MGMT: variants seen among roughly 807,000 people sequenced by gnomAD.
MGMT encodes the protein methylated-DNA--protein-cysteine methyltransferase.
Under a neutral mutation model 15.9 loss-of-function variants are expected in MGMT, and 14 were observed. The observed-to-expected ratio is 0.88, with a 90% CI of 0.58 to 1.37. The LOEUF (loss-of-function observed/expected upper bound fraction) is 1.37. Ranked by LOEUF, MGMT falls within the 40% of genes most tolerant of loss-of-function variation. The probability of loss-of-function intolerance (pLI) is 0.00; values close to 1 mark genes in which losing one functional copy is unlikely to be tolerated. For missense variants in MGMT, 282 were observed against 268.1 expected (o/e 1.05, Z -0.36); for synonymous variants, 130 against 118.2 (o/e 1.10, Z -0.65).
chr10:129,662,967 G>A (rs1395898402), intron 2 of MGMT, among the ~76,000 whole-genome samples: 1 of 152,182 alleles, frequency 6.6e-6, no homozygotes, highest in African/African-American at 2.4e-5. Context: ...TGTCAGAGAT[G>A]TTAACACACT....
At chr10:129,707,760 C>A in intron 2 of MGMT, 135 bp from the exon 3 acceptor site, 1 of 1,208,806 alleles carries the variant, frequency 8.3e-7, no homozygotes, top group South Asian at 1.3e-5. Flanking sequence ...CTTTCTGCTG[C>A]ACAGCTAGTT....
intron 1 of MGMT, among the ~76,000 whole-genome samples, chr10:129,492,986 T>G (rs1199084790): frequency 6.6e-6 from 1 of 152,240 alleles, no homozygotes; most frequent in Non-Finnish European, 1.5e-5. Context: ...TATTTCGTAT[T>G]CTACACAGGT....
intron 2 of MGMT, among the ~76,000 whole-genome samples, chr10:129,703,595 C>T (rs781394128): frequency 1.6e-4 from 25 of 152,208 alleles, no homozygotes; most frequent in Non-Finnish European, 3.5e-4. Context: ...CAACCAATCC[C>T]ACATCCCAGT....
chr10:129,490,335 G>A (rs1845456823), intron 1 of MGMT, among the ~76,000 whole-genome samples: 1 of 151,974 alleles, frequency 6.6e-6, no homozygotes, highest in African/African-American at 2.4e-5. Flanking sequence ...TGACTTCTAG[G>A]GAATTATTAA....
chr10:129,766,680 C>A, intron 4 of MGMT, 108 bp from the exon 5 acceptor site: 1 of 1,005,172 alleles, frequency 9.9e-7, no homozygotes, highest in Middle Eastern at 3.2e-4. Context: ...TGGCACAGGC[C>A]CCTGCTTGGT....
At chr10:129,744,746 C>T (rs994264149) in intron 3 of MGMT, among the ~76,000 whole-genome samples, 9 of 152,210 alleles carry the variant, frequency 5.9e-5, no homozygotes, top group Non-Finnish European at 8.8e-5. Flanking sequence ...GCTCCTGGCC[C>T]GCCACATCGC....
chr10:129,707,865 T>C (rs773864538), intron 2 of MGMT, 30 bp from the exon 3 acceptor site: 1 of 1,608,358 alleles, frequency 6.2e-7, no homozygotes, highest in Non-Finnish European at 8.5e-7. Flanking sequence ...GGCCCAGAGG[T>C]TTACTAAGCC....
At chr10:129,579,498 C>T (rs1197059096) in intron 2 of MGMT, among the ~76,000 whole-genome samples, 2 of 152,230 alleles carry the variant, frequency 1.3e-5, no homozygotes, top group East Asian at 1.9e-4. Flanking sequence ...TCCCATGCTC[C>T]GTGCCTCCAT....
chr10:129,469,749 C>T (rs1301904433), intron 1 of MGMT, among the ~76,000 whole-genome samples: 1 of 152,168 alleles, frequency 6.6e-6, no homozygotes, highest in African/African-American at 2.4e-5. Flanking sequence ...GTCTTTCGCC[C>T]AGGCTGGAGT....
intron 2 of MGMT, among the ~76,000 whole-genome samples, chr10:129,706,477 G>A (rs1415449046): frequency 9.2e-5 from 14 of 152,060 alleles, no homozygotes; most frequent in Admixed American, 1.3e-4. Context: ...GGAGCTGTGC[G>A]TCCACAGCAT....
chr10:129,702,027 A>G (rs968300328), intron 2 of MGMT: 1 of 152,256 alleles, frequency 6.6e-6, no homozygotes, highest in Non-Finnish European at 1.5e-5. Context: ...GATTTAAATC[A>G]AAATAAATCT....
At chr10:129,529,511 C>G (rs548554089) in intron 1 of MGMT, among the ~76,000 whole-genome samples, 5 of 152,284 alleles carry the variant, frequency 3.3e-5, no homozygotes, top group African/African-American at 1.2e-4. Flanking sequence ...CGCTGCTTAC[C>G]TCCTCCTCTG....
At chr10:129,530,726 C>T (rs4751097) in intron 1 of MGMT, among the ~76,000 whole-genome samples, 22,688 of 152,244 alleles carry the variant, frequency 0.15, 2,651 homozygotes, top group African/African-American at 0.32. Context: ...CCAGCAGGAC[C>T]GGCCTGGCCA....
intron 3 of MGMT, among the ~76,000 whole-genome samples, chr10:129,738,128 C>A (rs574168464): frequency 6.6e-6 from 1 of 152,382 alleles, no homozygotes; most frequent in East Asian, 1.9e-4. Context: ...CAAGCCTGGG[C>A]AATGGCGGGT....
intron 2 of MGMT, among the ~76,000 whole-genome samples, chr10:129,676,535 C>T (rs1383549513): frequency 2.0e-5 from 3 of 152,140 alleles, no homozygotes; most frequent in African/African-American, 4.8e-5. Context: ...AGCAAGACGA[C>T]GTGTTTGCAG....
intron 4 of MGMT, among the ~76,000 whole-genome samples, chr10:129,766,103 G>C (rs2133190550): frequency 6.6e-6 from 1 of 152,290 alleles, no homozygotes; most frequent in Middle Eastern, 3.4e-3. Context: ...CCTGTGTATG[G>C]CTGCGTGGTT....
intron 2 of MGMT, among the ~76,000 whole-genome samples, chr10:129,603,819 C>G (rs909009493): frequency 2.0e-5 from 3 of 152,162 alleles, no homozygotes; most frequent in East Asian, 1.9e-4. Flanking sequence ...TGAAAATAAT[C>G]AGTTATTTTT....
intron 2 of MGMT, among the ~76,000 whole-genome samples, chr10:129,698,140 T>TTGAGGGCATC (rs1425298933): frequency 6.6e-6 from 1 of 152,116 alleles, no homozygotes; most frequent in Admixed American, 6.5e-5. Context: ...GACAGAGGCT[T>TTGAGGGCATC]TGAGGGCATC....
intron 3 of MGMT, among the ~76,000 whole-genome samples, chr10:129,754,159 C>T (rs1344161735): frequency 2.0e-5 from 3 of 152,152 alleles, no homozygotes; most frequent in East Asian, 1.9e-4. Flanking sequence ...ACAGCTCACC[C>T]GAACAGGTGA....
Sources: gnomAD v4.1 joint callset for allele counts (sites outside exome capture counted in the v4.1 genomes callset) on GRCh38, gnomAD v4.1.1 for gene constraint, MANE v1.5 for transcripts, NCBI Gene and HGNC (gene_info 2026-07-23, HGNC 2026-07-21) for gene names.